The following COL17A1 variants were observed in gnomAD, a reference collection of about 807,000 sequenced individuals.
The protein encoded by COL17A1 is collagen type XVII alpha 1 chain, also known as collagen alpha-1(XVII) chain.
COL17A1 carries 181 observed loss-of-function variants against 218.4 expected under a neutral mutation model. The ratio of observed to expected loss-of-function variants is 0.83; its 90% CI spans 0.73 to 0.94. The LOEUF (loss-of-function observed/expected upper bound fraction) is 0.94. Among genes scored for constraint, COL17A1 ranks in the 40% least tolerant of loss-of-function variants. The pLI is 0.00. For missense variants in COL17A1, 1,924 were observed against 1,945.9 expected (o/e 0.99, Z 0.21); for synonymous variants, 721 against 731.0 (o/e 0.99, Z 0.22).
chr10:104,047,148 C>T (rs1430706565), intron 31 of COL17A1, among the ~76,000 whole-genome samples: 1 of 151,414 alleles, frequency 6.6e-6, no homozygotes, highest in Non-Finnish European at 1.5e-5. Context: ...GCTGAGGAGG[C>T]CCCTACTCTC....
At chr10:104,071,067 CT>C (rs1402992590) in intron 8 of COL17A1, among the ~76,000 whole-genome samples, 2 of 152,202 alleles carry the variant, frequency 1.3e-5, no homozygotes, top group African/African-American at 4.8e-5. Context: ...AATTTCAAGT[CT>C]ATCTGGCTGA....
At chr10:104,080,438 G>T (rs1418558557) in intron 2 of COL17A1, among the ~76,000 whole-genome samples, 184 bp downstream of exon 2, 2 of 152,210 alleles carry the variant, frequency 1.3e-5, no homozygotes, top group East Asian at 1.9e-4. Context: ...GAAAAAGCAG[G>T]ATATCTTTTG....
chr10:104,064,721 C>A, intron 9 of COL17A1, 125 bp from the exon 10 acceptor site: 1 of 895,950 alleles, frequency 1.1e-6, no homozygotes, highest in South Asian at 1.4e-5. Context: ...ATTTCAGGAA[C>A]TTTCTCAGTC....
At position 104,043,852 on chromosome 10, in the gene COL17A1, C is replaced by G. The variant is rs752317971; in HGVS notation, c.2407G>C (p.Gly803Arg). 11 of 1,614,070 alleles carry G rather than the reference C, an allele frequency of 6.8e-6. No homozygotes were observed. The African/African-American group carries it at 1.2e-4, about 18-fold the overall frequency. ...GAAGTCACGATCTTGCCTGGAGCTC[C>G]TGGTTCACCTAGGAAGAGAGGAAAA... ...PGRPGIKGEP[G>R]APGKIVTSEG... Residue 803 changes from glycine (G) to arginine (R), a missense_variant, in exon 34 of 56, where the codon GGA (glycine) becomes CGA (arginine). Gly to Arg is a moderately radical substitution (Grantham distance 125). Transcript: ENST00000648076.
At position 104,054,970 on chromosome 10, in the gene COL17A1, G is replaced by A. The variant is rs1360132541; in HGVS notation, c.1744+11C>T. ...TAATATTTAAGGTAAAAATGCCCAT[G>A]TTATAATTACCTTTAGGGCCTGGAC... On this transcript the variant is annotated intron_variant, in intron 20 of 55. Coordinates refer to ENST00000648076, the MANE Select transcript of COL17A1 (RefSeq NM_000494.4). 1.2e-6 allele frequency: 2 copies of A among 1,614,158 alleles called. No individual in the cohort carries two copies. The highest frequency in any genetic ancestry group is 1.1e-5 in the South Asian group (1 of 91,074).
At chr10:104,074,372 A>G (rs780262043) in intron 5 of COL17A1, 141 bp from the exon 6 acceptor site, 12 of 1,235,202 alleles carry the variant, frequency 9.7e-6, no homozygotes, top group Admixed American at 1.9e-5. Flanking sequence ...GCTCTTCAGC[A>G]TGCATGTCAA....
At position 104,045,797 on chromosome 10, in the gene COL17A1, A is replaced by T. The variant is rs747026171; in HGVS notation, c.2363-4T>A. ...CGGCCAGGGGTACCGGGAAGTCCTG[A>T]TGTGATTAGAACAAGTAGTCAGGAC... On this transcript the variant is annotated splice_polypyrimidine_tract_variant and splice_region_variant and intron_variant, in intron 32 of 55. Transcript: ENST00000648076. 6.2e-7 allele frequency: 1 copy of T among 1,611,762 alleles called. No individual in the cohort carries two copies. Among genetic ancestry groups the T allele is most frequent in the Non-Finnish European group, 8.5e-7 (1 of 1,177,776 alleles).
intron 2 of COL17A1, 95 bp from the exon 3 acceptor site, chr10:104,078,681 T>A: frequency 6.6e-7 from 1 of 1,525,864 alleles, no homozygotes; most frequent in Non-Finnish European, 9.0e-7. Context: ...CTAAGCATAT[T>A]AAATTAGGTT....
chr10:104,035,800 A>G (rs200863562), intron 48 of COL17A1, among the ~76,000 whole-genome samples: 8 of 21,838 alleles, frequency 3.7e-4, no homozygotes, highest in Non-Finnish European at 7.4e-4. Flanking sequence ...GTGTATGAGT[A>G]TGTGTGTATG....
intron 29 of COL17A1, among the ~76,000 whole-genome samples, chr10:104,048,829 C>A (rs1564676653): frequency 7.0e-6 from 1 of 143,192 alleles, no homozygotes; most frequent in African/African-American, 2.5e-5. Context: ...TCAACATGGT[C>A]TTTTTTTTTT....
Position 104,076,284 on chromosome 10 carries a change from G to T in COL17A1, c.331+17C>A. 6.2e-7 allele frequency: 1 copy of T among 1,613,914 alleles called. No homozygotes were observed. The highest frequency in any genetic ancestry group is 8.5e-7 in the Non-Finnish European group (1 of 1,179,860). ...GGGAAGAGAATGGTTCTCTTGTATG[G>T]TTAGTGGGACTGATACCTTCATACG... On this transcript the variant is annotated intron_variant, in intron 5 of 55. Transcript: ENST00000648076.
intron 16 of COL17A1, 42 bp from the exon 17 acceptor site, chr10:104,057,214 C>T (rs2086538872): frequency 6.2e-7 from 1 of 1,613,658 alleles, no homozygotes; most frequent in Non-Finnish European, 8.5e-7. Context: ...GCAGGCAGCT[C>T]CTGCCTTTTC....
At position 104,058,142 on chromosome 10, in the gene COL17A1, C is replaced by A. The variant is rs537631527; in HGVS notation, c.1267+4G>T. ...TCACTGCAGGGTTCGCGGTTCTCACCCACCTGCAGTGGTGGTCTTGCCCTT... is the reference window on the plus strand; with the variant it reads ...TCACTGCAGGGTTCGCGGTTCTCACACACCTGCAGTGGTGGTCTTGCCCTT... On this transcript the variant is annotated splice_donor_region_variant and intron_variant, in intron 16 of 55. Transcript: ENST00000648076. 2.5e-5 allele frequency: 40 copies of A among 1,614,092 alleles called. No homozygotes were observed. The highest frequency in any genetic ancestry group is 3.2e-5 in the Non-Finnish European group (38 of 1,180,044).
At chr10:104,078,969 A>G (rs1311913980) in intron 2 of COL17A1, among the ~76,000 whole-genome samples, 2 of 152,006 alleles carry the variant, frequency 1.3e-5, no homozygotes, top group Non-Finnish European at 2.9e-5. Context: ...CTCCTTCCCC[A>G]TGGTCTCTCA....
rs143083196 is a variant in COL17A1 at position 104,061,455 on chromosome 10, T to A, written c.929A>T (p.Asn310Ile). 3.8e-5 allele frequency: 61 copies of A among 1,613,242 alleles called. No homozygotes were observed. In the African/African-American group the frequency reaches 7.5e-4, roughly 20 times the overall value. Residue 310 changes from asparagine to isoleucine, a missense_variant, in exon 13 of 56, where the codon AAC becomes ATC. Transcript: ENST00000648076. ...TTSTAYGVKKNMPQSPAAVNT... is the reference protein window; with the variant it reads ...TTSTAYGVKKIMPQSPAAVNT... ...CACAGCCGCAGGACTCTGGGGCATG[T>A]TTTTCTTCACCCCATATGCTGCAAG...
chr10:104,055,199 A>T (rs1347770766), intron 19 of COL17A1, 173 bp downstream of exon 19: 1 of 1,425,224 alleles, frequency 7.0e-7, no homozygotes, highest in Middle Eastern at 1.8e-4. Flanking sequence ...ATGCTGCCTT[A>T]TCTAAGATAT....
At chr10:104,051,408 AT>A in intron 25 of COL17A1, 72 bp downstream of exon 25, 1 of 1,568,674 alleles carries the variant, frequency 6.4e-7, no homozygotes, top group Non-Finnish European at 8.8e-7. Flanking sequence ...CTTTAAAAAT[AT>A]TTGGTTTTCC....
chr10:104,041,108 C>A lies in COL17A1; in HGVS notation c.2658G>T (p.Leu886Phe), dbSNP rs758172974. ...ATCCTGGTGGGCCTGGTGGGCCTGG[C>A]AAACCCTCCCCTAGGAAAGAGAACC... The part of the protein sequence containing the change: ...PGPRGPPGEG[L>F]PGPPGPPGSF... Residue 886 changes from leucine to phenylalanine, a missense_variant, in exon 39 of 56, where the codon TTG becomes TTT. Coordinates refer to ENST00000648076, the MANE Select transcript of COL17A1 (RefSeq NM_000494.4). The A allele has an allele frequency of 1.7e-5, 28 of 1,605,622 alleles. No individual in the cohort carries two copies. In the Admixed American group the frequency reaches 4.7e-4, roughly 27 times the overall value.
chr10:104,058,283 TTAA>T, intron 15 of COL17A1, 93 bp from the exon 16 acceptor site: 2 of 1,550,314 alleles, frequency 1.3e-6, no homozygotes, highest in Non-Finnish European at 8.8e-7. Flanking sequence ...CTTTACTTTC[TTAA>T]TAAACTTGCT....
Sources: gnomAD v4.1 joint callset for allele counts (sites outside exome capture counted in the v4.1 genomes callset) on GRCh38, gnomAD v4.1.1 for gene constraint, MANE v1.5 for transcripts, NCBI Gene and HGNC (gene_info 2026-07-23, HGNC 2026-07-21) for gene names.